Variants in GON4L observed in about 807,000 individuals in gnomAD.
GON4L encodes the protein GON-4-like protein.
GON4L carries 87 observed loss-of-function variants against 211.8 expected under a neutral mutation model. The ratio of observed to expected loss-of-function variants is 0.41; its 90% CI spans 0.35 to 0.49. The LOEUF (loss-of-function observed/expected upper bound fraction) is 0.49. GON4L is among the 20% of genes least tolerant of loss of function. GON4L has a pLI of 0.15. For synonymous variants in GON4L, 875 were observed against 962.6 expected, an observed-to-expected ratio of 0.91 and a Z score of 1.68; for missense variants, 2,155 against 2,659.5, an observed-to-expected ratio of 0.81 and a Z score of 4.17.
chr1:155,801,406 A>G (rs1031225536), intron 11 of GON4L, among the ~76,000 whole-genome samples: 1 of 152,090 alleles, frequency 6.6e-6, no homozygotes, highest in Admixed American at 6.6e-5. Flanking sequence ...AACTGATTCT[A>G]TACTTTGCAT....
chr1:155,780,786 T>C (rs974786876), intron 14 of GON4L, among the ~76,000 whole-genome samples: 8 of 152,218 alleles, frequency 5.3e-5, no homozygotes, highest in African/African-American at 1.9e-4. Context: ...TGATACCCTA[T>C]GCAATCAGGA....
intron 2 of GON4L, 41 bp from the exon 3 acceptor site, chr1:155,827,069 T>G (rs1461311275): frequency 7.2e-7 from 1 of 1,381,472 alleles, no homozygotes; most frequent in Non-Finnish European, 1.0e-6. Flanking sequence ...TTGACCATTC[T>G]CAGTCATACT....
At chr1:155,821,752 T>G (rs746362192) in intron 4 of GON4L, among the ~76,000 whole-genome samples, 18 of 152,190 alleles carry the variant, frequency 1.2e-4, no homozygotes, top group Non-Finnish European at 2.2e-4. Context: ...TCAAACAATG[T>G]AGCAGCAAAT....
intron 6 of GON4L, among the ~76,000 whole-genome samples, chr1:155,816,509 T>C (rs978791414): frequency 6.6e-6 from 1 of 152,200 alleles, no homozygotes; most frequent in African/African-American, 2.4e-5. Flanking sequence ...CTTCTTTCTA[T>C]AAATGAAGAA....
rs528465426 is a variant in GON4L, at chr1:155,811,172, C to A, written c.1452+2462G>T. On this transcript the variant is annotated intron_variant, in intron 10 of 31. Coordinates refer to ENST00000368331, the MANE Select transcript of GON4L (RefSeq NM_001282860.2). ...TTTTGGGAGGCCGAGGCAAGTGGAT[C>A]ATGAGGTCAGGAGATCAAGACCATC... 1.5e-3 allele frequency among the ~76,000 whole-genome samples: 230 copies of A among 151,992 alleles called. 2 individuals are homozygous for A. The highest frequency in any genetic ancestry group is 5.0e-3 in the African/African-American group (208 of 41,458).
At chr1:155,847,775 G>A (rs1249541288) in intron 2 of GON4L, among the ~76,000 whole-genome samples, 5 of 152,148 alleles carry the variant, frequency 3.3e-5, no homozygotes, top group Non-Finnish European at 7.3e-5. Context: ...TCGAAAGGCT[G>A]GGGTAGGAGA....
intron 12 of GON4L, among the ~76,000 whole-genome samples, chr1:155,793,583 G>GT (rs1665804348): frequency 6.6e-6 from 1 of 152,046 alleles, no homozygotes; most frequent in Non-Finnish European, 1.5e-5. Context: ...TGAAATGTAT[G>GT]TTTTCTATGC....
chr1:155,798,510 C>T lies in GON4L; in HGVS notation c.1646-3359G>A, dbSNP rs898765458. ...CTGCAAGCTCTGCCTCCCGGGTTCA[C>T]GCCATTCTCCTGCCTCAGCCTCCCA... On this transcript the variant is annotated intron_variant, in intron 11 of 31. Transcript: ENST00000368331. Among the ~76,000 whole-genome samples, 8 of 148,910 alleles carry T rather than the reference C, an allele frequency of 5.4e-5. No individual in the cohort carries two copies. The South Asian group carries it at 6.4e-4, about 12-fold the overall frequency.
chr1:155,858,950 C>T (rs1056971262), upstream of GON4L, among the ~76,000 whole-genome samples: 2 of 152,056 alleles, frequency 1.3e-5, no homozygotes, highest in Non-Finnish European at 2.9e-5. Flanking sequence ...CCGCCTTGGC[C>T]TCCCAAAGGT....
In GON4L at chr1:155,814,402, C is replaced by A. The variant is rs748595968; in HGVS notation, c.1209G>T (p.Gly403=). The A allele has an allele frequency of 1.9e-6, 3 of 1,613,104 alleles. No individual in the cohort carries two copies. Among genetic ancestry groups the A allele is most frequent in the Non-Finnish European group, 2.5e-6 (3 of 1,179,188 alleles). ...DVESTASSPR[G]AKKSRLRQSS... ...ACTGCCTCAATCTGGATTTCTTTGC[C>A]CCACGTGGAGATGAAGCAGTGCTTT... Residue 403 remains glycine, a synonymous_variant, in exon 9 of 32, where the codon GGG becomes GGT. Transcript: ENST00000368331.
At chr1:155,837,675 A>G (rs1670436977) in intron 2 of GON4L, among the ~76,000 whole-genome samples, 2 of 148,556 alleles carry the variant, frequency 1.3e-5, no homozygotes, top group Admixed American at 6.7e-5. Flanking sequence ...TCATCCCCCT[A>G]CTCTCCCTCC....
chr1:155,834,534 G>A (rs1670112402), intron 2 of GON4L, among the ~76,000 whole-genome samples: 1 of 152,050 alleles, frequency 6.6e-6, no homozygotes, highest in South Asian at 2.1e-4. Flanking sequence ...TTTGAGGTAG[G>A]AGATCAGCAG....
At chr1:155,755,897 C>T (rs560321513) in intron 27 of GON4L, among the ~76,000 whole-genome samples, 3 of 151,486 alleles carry the variant, frequency 2.0e-5, no homozygotes, top group African/African-American at 7.3e-5. Flanking sequence ...AGGTTAAATA[C>T]GTTTCCCAAG....
chr1:155,769,034 G>A (rs1192345691), intron 19 of GON4L, among the ~76,000 whole-genome samples: 5 of 152,000 alleles, frequency 3.3e-5, no homozygotes. Context: ...TGGAGTGCAG[G>A]GGAGTGATCC....
At chr1:155,834,936 G>A (rs1479245503) in intron 2 of GON4L, among the ~76,000 whole-genome samples, 2 of 152,106 alleles carry the variant, frequency 1.3e-5, no homozygotes, top group South Asian at 2.1e-4. Context: ...ACTGGGAAGT[G>A]AGGAGCCCCT....
chr1:155,803,890 C>T (rs1666909504), intron 11 of GON4L, among the ~76,000 whole-genome samples: 1 of 152,116 alleles, frequency 6.6e-6, no homozygotes, highest in Admixed American at 6.6e-5. Flanking sequence ...AGCTGAGTGA[C>T]AAAAGGAAGT....
intron 10 of GON4L, among the ~76,000 whole-genome samples, chr1:155,808,713 A>G (rs1667399193): frequency 6.6e-6 from 1 of 151,768 alleles, no homozygotes; most frequent in Non-Finnish European, 1.5e-5. Context: ...TGCAGCCTCG[A>G]TCTCCTAGGC....
At chr1:155,764,266 G>GCA (rs1662176212) in intron 21 of GON4L, among the ~76,000 whole-genome samples, 1 of 151,684 alleles carries the variant, frequency 6.6e-6, no homozygotes, top group African/African-American at 2.4e-5. Context: ...TTACAGGCAT[G>GCA]TGCCACTACG....
chr1:155,768,253 A>G (rs12081192), intron 19 of GON4L, among the ~76,000 whole-genome samples: 42,317 of 148,020 alleles, frequency 0.29, 6,752 homozygotes, highest in East Asian at 0.7. Context: ...AGGTGAGCTG[A>G]GATCAGAGAC....
Sources: allele counts gnomAD v4.1 joint callset (sites outside exome capture counted in the v4.1 genomes callset), GRCh38; gene constraint gnomAD v4.1.1; transcripts MANE v1.5; gene names NCBI Gene and HGNC (gene_info 2026-07-23, HGNC 2026-07-21).